Variants in BBS9 observed in about 807,000 individuals in gnomAD.
The protein encoded by BBS9 is Bardet-Biedl syndrome 9.
BBS9 carries 89 observed loss-of-function variants against 117.7 expected under a neutral mutation model. The observed-to-expected ratio is 0.76, with a 90% CI of 0.64 to 0.90. BBS9 has a LOEUF of 0.90. BBS9 is among the 40% of genes least tolerant of loss of function. The pLI is 0.00. For missense variants in BBS9, 982 were observed against 1,042.2 expected, an observed-to-expected ratio of 0.94 and a Z score of 0.80; for synonymous variants, 379 against 370.9, an observed-to-expected ratio of 1.02 and a Z score of -0.25.
chr7:33,514,089 A>G (rs949085958), intron 20 of BBS9, among the ~76,000 whole-genome samples: 1 of 152,258 alleles, frequency 6.6e-6, no homozygotes, highest in African/African-American at 2.4e-5. Context: ...GTTGCAAAAT[A>G]TAAACTGTGG....
chr7:33,441,250 G>A (rs572727232), intron 19 of BBS9, among the ~76,000 whole-genome samples: 1 of 150,802 alleles, frequency 6.6e-6, no homozygotes, highest in Non-Finnish European at 1.5e-5. Flanking sequence ...TATGAGCTGG[G>A]TTTTGGGGAA....
chr7:33,298,059 T>C (rs1805628025), intron 9 of BBS9, among the ~76,000 whole-genome samples: 1 of 152,122 alleles, frequency 6.6e-6, no homozygotes, highest in Non-Finnish European at 1.5e-5. Flanking sequence ...TGAGGATAAA[T>C]AGAAGAGAAA....
intron 19 of BBS9, among the ~76,000 whole-genome samples, chr7:33,502,704 G>A (rs1845616967): frequency 6.6e-6 from 1 of 151,872 alleles, no homozygotes; most frequent in South Asian, 2.1e-4. Flanking sequence ...CCTTCCTAAG[G>A]CCCCCTACAC....
intron 19 of BBS9, among the ~76,000 whole-genome samples, chr7:33,464,382 A>G (rs138519542): frequency 1.4e-4 from 22 of 152,168 alleles, no homozygotes; most frequent in African/African-American, 5.1e-4. Flanking sequence ...AATAGGAGTA[A>G]TATCTCTTTT....
intron 9 of BBS9, among the ~76,000 whole-genome samples, chr7:33,313,173 G>A (rs1286172863): frequency 1.3e-5 from 2 of 150,960 alleles, no homozygotes; most frequent in Non-Finnish European, 3.0e-5. Flanking sequence ...CTTCTAGGAA[G>A]CATTCTTTTC....
intron 21 of BBS9, among the ~76,000 whole-genome samples, chr7:33,619,639 T>C (rs966399694): frequency 6.6e-6 from 1 of 152,114 alleles, no homozygotes; most frequent in South Asian, 2.1e-4. Context: ...TCCAAGAAGA[T>C]TGACATAATA....
chr7:33,575,869 A>G (rs1480800718), intron 21 of BBS9, among the ~76,000 whole-genome samples: 2 of 152,240 alleles, frequency 1.3e-5, no homozygotes, highest in Non-Finnish European at 2.9e-5. Flanking sequence ...TTCATGCTAA[A>G]AACTCTCAAT....
intron 19 of BBS9, among the ~76,000 whole-genome samples, chr7:33,440,647 A>G (rs1836022837): frequency 6.6e-6 from 1 of 152,196 alleles, no homozygotes; most frequent in Admixed American, 6.5e-5. Context: ...ATTCCTAAAC[A>G]AGTCATTTAT....
intron 5 of BBS9, among the ~76,000 whole-genome samples, chr7:33,186,067 A>G (rs1323718241): frequency 6.6e-6 from 1 of 152,242 alleles, no homozygotes; most frequent in Non-Finnish European, 1.5e-5. Flanking sequence ...AAGACAGTTA[A>G]TTATAACAGA....
At chr7:33,274,234 A>T (rs547059357) in intron 9 of BBS9, among the ~76,000 whole-genome samples, 1 of 152,334 alleles carries the variant, frequency 6.6e-6, no homozygotes, top group Admixed American at 6.5e-5. Context: ...TACTTGATAG[A>T]TTATTCTTCA....
intron 9 of BBS9, among the ~76,000 whole-genome samples, chr7:33,284,897 G>C (rs774944624): frequency 6.6e-6 from 1 of 152,054 alleles, no homozygotes. Flanking sequence ...CCTACCTCCT[G>C]TATCTTTGCT....
At chr7:33,328,412 A>G (rs550387296) in intron 9 of BBS9, among the ~76,000 whole-genome samples, 1 of 152,352 alleles carries the variant, frequency 6.6e-6, no homozygotes, top group South Asian at 2.1e-4. Flanking sequence ...CAGATGCTCA[A>G]TAAAAATGTC....
chr7:33,300,662 C>T (rs1806210098), intron 9 of BBS9, among the ~76,000 whole-genome samples: 1 of 148,630 alleles, frequency 6.7e-6, no homozygotes, highest in Admixed American at 6.7e-5. Flanking sequence ...TCAATACTAT[C>T]CCTGTTCTGT....
At chr7:33,348,838 C>T (rs1347204029) in intron 12 of BBS9, among the ~76,000 whole-genome samples, 1 of 152,092 alleles carries the variant, frequency 6.6e-6, no homozygotes, top group African/African-American at 2.4e-5. Flanking sequence ...TTTGCATGTA[C>T]ATATTGCCAA....
chr7:33,190,338 A>C (rs1253114948), intron 5 of BBS9, among the ~76,000 whole-genome samples: 1 of 152,072 alleles, frequency 6.6e-6, no homozygotes, highest in Admixed American at 6.5e-5. Flanking sequence ...TTTTGAGCTT[A>C]CCTGTTAACA....
In BBS9 at chr7:33,349,800, G is replaced by C. The variant is rs149323314; in HGVS notation, c.1432+630G>C. On this transcript the variant is annotated intron_variant, in intron 13 of 22. Transcript: ENST00000242067. ...TCTTTAGTGATCTATTTATTGAATC[G>C]GTAATGTTTGAAGAATTAATATGGA... is the stretch of plus-strand genomic sequence containing the variant. Among the ~76,000 whole-genome samples the C allele has an allele frequency of 9.2e-5, 14 of 152,156 alleles. No individual in the cohort carries two copies. In the South Asian group the frequency reaches 2.9e-3, roughly 32 times the overall value.
intron 9 of BBS9, among the ~76,000 whole-genome samples, chr7:33,276,290 A>G (rs969029578): frequency 6.6e-6 from 1 of 152,224 alleles, no homozygotes; most frequent in Non-Finnish European, 1.5e-5. Flanking sequence ...CCTCACCACA[A>G]TTGTAAGCTG....
intron 19 of BBS9, among the ~76,000 whole-genome samples, chr7:33,428,617 A>G (rs1298520275): frequency 1.3e-5 from 2 of 152,216 alleles, no homozygotes; most frequent in Non-Finnish European, 2.9e-5. Context: ...AATGAAACCC[A>G]GCTGAGGATG....
intron 16 of BBS9, among the ~76,000 whole-genome samples, chr7:33,364,344 A>G (rs1342863728): frequency 1.3e-5 from 2 of 152,024 alleles, no homozygotes; most frequent in African/African-American, 2.4e-5. Flanking sequence ...GTTTTTTTCT[A>G]CAGTTATGTG....
Sources: gnomAD v4.1 joint callset for allele counts (sites outside exome capture counted in the v4.1 genomes callset) on GRCh38, gnomAD v4.1.1 for gene constraint, MANE v1.5 for transcripts, NCBI Gene and HGNC (gene_info 2026-07-23, HGNC 2026-07-21) for gene names.